CCBE1: variants seen among roughly 807,000 people sequenced by gnomAD.
The protein encoded by CCBE1 is collagen and calcium binding EGF domains 1.
Under a neutral mutation model 50.0 loss-of-function variants are expected in CCBE1, and 37 were observed. That is an observed-to-expected ratio of 0.74 (90% CI 0.57 to 0.97). The LOEUF (loss-of-function observed/expected upper bound fraction) is 0.97. Among genes scored for constraint, CCBE1 ranks in the 50% least tolerant of loss-of-function variants. CCBE1 has a pLI of 0.00. For missense variants in CCBE1, 538 were observed against 523.8 expected, an observed-to-expected ratio of 1.03 and a Z score of -0.26; for synonymous variants, 234 against 203.7, an observed-to-expected ratio of 1.15 and a Z score of -1.27.
chr18:59,578,615 C>A (rs371049326), intron 2 of CCBE1, among the ~76,000 whole-genome samples: 3 of 152,064 alleles, frequency 2.0e-5, no homozygotes, highest in African/African-American at 7.2e-5. Flanking sequence ...TACTATGCAC[C>A]CATAAAAAAG....
intron 3 of CCBE1, 112 bp from the exon 4 acceptor site, chr18:59,469,719 T>G (rs1911938196): frequency 7.3e-7 from 1 of 1,365,562 alleles, no homozygotes; most frequent in African/African-American, 1.4e-5. Flanking sequence ...ACGTGTGAAG[T>G]GTGGACAGAT....
chr18:59,551,025 AAAAAGAAAAGAAAAG>A (rs1568201646), intron 2 of CCBE1, among the ~76,000 whole-genome samples: 1 of 114,852 alleles, frequency 8.7e-6, no homozygotes, highest in African/African-American at 3.8e-5. Context: ...AAAAAAAAAA[AAAAAGAAAAGAAAAG>A]AAAAGAAAAA....
intron 2 of CCBE1, among the ~76,000 whole-genome samples, chr18:59,672,817 G>A (rs1046411031): frequency 2.0e-5 from 3 of 152,186 alleles, no homozygotes; most frequent in Non-Finnish European, 4.4e-5. Context: ...TAAACTATGA[G>A]GATGCAAAGG....
At chr18:59,488,259 C>G (rs1437851897) in intron 2 of CCBE1, among the ~76,000 whole-genome samples, 1 of 152,030 alleles carries the variant, frequency 6.6e-6, no homozygotes, top group Non-Finnish European at 1.5e-5. Context: ...ATTCTGGAGA[C>G]GGATGGTGGT....
At chr18:59,474,564 T>TA (rs1912221016) in intron 3 of CCBE1, among the ~76,000 whole-genome samples, 2 of 152,218 alleles carry the variant, frequency 1.3e-5, no homozygotes, top group African/African-American at 4.8e-5. Flanking sequence ...TGTGAGCATT[T>TA]ACCGAAACCC....
intron 2 of CCBE1, among the ~76,000 whole-genome samples, chr18:59,646,898 C>T (rs1025467090): frequency 2.6e-5 from 4 of 152,188 alleles, no homozygotes; most frequent in African/African-American, 9.6e-5. Context: ...GCATTTCCTC[C>T]CAGAAAGCCG....
chr18:59,541,843 G>A (rs1442976457), intron 2 of CCBE1, among the ~76,000 whole-genome samples: 1 of 151,066 alleles, frequency 6.6e-6, no homozygotes, highest in South Asian at 2.1e-4. Context: ...TAGAATTAAA[G>A]AGTCCAGATG....
intron 2 of CCBE1, among the ~76,000 whole-genome samples, chr18:59,509,979 G>A (rs1002596244): frequency 5.3e-5 from 8 of 152,194 alleles, no homozygotes; most frequent in African/African-American, 1.7e-4. Flanking sequence ...GCTGCCAGAG[G>A]CGAGAAGCCA....
intron 2 of CCBE1, among the ~76,000 whole-genome samples, chr18:59,612,816 T>A (rs1018093115): frequency 2.0e-5 from 2 of 99,298 alleles, no homozygotes; most frequent in South Asian, 3.5e-4. Context: ...ATCTCAAGGG[T>A]TTTTTTTTTG....
chr18:59,661,096 T>C (rs2054278798), intron 2 of CCBE1, among the ~76,000 whole-genome samples: 1 of 152,124 alleles, frequency 6.6e-6, no homozygotes, highest in African/African-American at 2.4e-5. Context: ...AGAGCTAACA[T>C]ACTTCCACTG....
chr18:59,615,167 AC>A (rs1212140062), intron 2 of CCBE1, among the ~76,000 whole-genome samples: 2 of 152,040 alleles, frequency 1.3e-5, no homozygotes, highest in Admixed American at 6.6e-5. Context: ...CTCCCTCTGT[AC>A]CTGTCTTCCA....
In CCBE1 at chr18:59,602,689, A is replaced by AT. The variant is rs2053448926; in HGVS notation, c.212+93939dup. Reference sequence around the variant, plus strand: ...AGCTGTAATAACCAGGAAAGGCCTTATGGGAAGCCTTGAGGCATGAGTAGG... The same window carrying AT: ...AGCTGTAATAACCAGGAAAGGCCTTATTGGGAAGCCTTGAGGCATGAGTAGG... On this transcript the variant is annotated intron_variant, in intron 2 of 10. Coordinates refer to ENST00000439986, the MANE Select transcript of CCBE1 (RefSeq NM_133459.4). Among the ~76,000 whole-genome samples, 3 of 152,232 alleles carry AT rather than the reference A, an allele frequency of 2.0e-5. No homozygotes were observed. In the South Asian group the frequency reaches 6.2e-4, roughly 32 times the overall value.
intron 2 of CCBE1, among the ~76,000 whole-genome samples, chr18:59,522,137 T>C (rs1914627593): frequency 6.6e-6 from 1 of 150,424 alleles, no homozygotes; most frequent in Admixed American, 6.6e-5. Flanking sequence ...TTTTTTTTTT[T>C]TTGTACATTT....
intron 2 of CCBE1, among the ~76,000 whole-genome samples, chr18:59,685,585 C>A (rs2054643834): frequency 6.6e-6 from 1 of 152,224 alleles, no homozygotes; most frequent in Non-Finnish European, 1.5e-5. Context: ...ACTGGAATCA[C>A]ATGAGGAGCT....
At chr18:59,672,940 C>A (rs2054454580) in intron 2 of CCBE1, among the ~76,000 whole-genome samples, 1 of 152,022 alleles carries the variant, frequency 6.6e-6, no homozygotes, top group African/African-American at 2.4e-5. Flanking sequence ...CAAGATCTCA[C>A]AAATCACCGC....
At chr18:59,642,005 T>G (rs545174388) in intron 2 of CCBE1, among the ~76,000 whole-genome samples, 1 of 151,176 alleles carries the variant, frequency 6.6e-6, no homozygotes, top group African/African-American at 2.5e-5. Flanking sequence ...AGGTAGATAT[T>G]GAGAAAAAAT....
chr18:59,697,433 G>C (rs2144764301), upstream of CCBE1: 1 of 1,482,746 alleles, frequency 6.7e-7, no homozygotes, highest in South Asian at 1.3e-5. Context: ...CCCTCTTCCC[G>C]GCAGGGGGCG....
intron 2 of CCBE1, among the ~76,000 whole-genome samples, chr18:59,488,507 T>TG (rs1345938442): frequency 6.6e-6 from 1 of 152,098 alleles, no homozygotes; most frequent in East Asian, 1.9e-4. Flanking sequence ...AGTTATTAAA[T>TG]GGGGCTAAGG....
chr18:59,494,364 C>T lies in CCBE1; in HGVS notation c.213-14126G>A, dbSNP rs544479593. 3.0e-4 allele frequency among the ~76,000 whole-genome samples: 45 copies of T among 152,254 alleles called. No homozygotes were observed. The South Asian group carries it at 6.0e-3, about 20-fold the overall frequency. ...TTCTCCATCCTTGGTTCAGATGATCCTTAGACAACCTTTAGGATGTCTCTC... is the reference window on the plus strand; with the variant it reads ...TTCTCCATCCTTGGTTCAGATGATCTTTAGACAACCTTTAGGATGTCTCTC... On this transcript the variant is annotated intron_variant, in intron 2 of 10. Transcript: ENST00000439986.
Sources: allele counts gnomAD v4.1 joint callset (sites outside exome capture counted in the v4.1 genomes callset), GRCh38; gene constraint gnomAD v4.1.1; transcripts MANE v1.5; gene names NCBI Gene and HGNC (gene_info 2026-07-23, HGNC 2026-07-21).